Variants in DDX46 observed in about 807,000 individuals in gnomAD.
DDX46 encodes DEAD-box helicase 46, also known as probable ATP-dependent RNA helicase DDX46.
In DDX46, 30 loss-of-function variants were observed where a neutral mutation model predicts 134.9. The observed-to-expected ratio is 0.22, with a 90% CI of 0.17 to 0.30. The LOEUF (loss-of-function observed/expected upper bound fraction) is 0.30. Ranked by LOEUF, DDX46 falls within the 10% of genes least tolerant of loss-of-function variation. The pLI is 1.00. For synonymous variants in DDX46, 415 were observed against 404.1 expected, an observed-to-expected ratio of 1.03 and a Z score of -0.32; for missense variants, 622 against 1,248.7, an observed-to-expected ratio of 0.50 and a Z score of 7.56.
chr5:134,760,148 G>C (rs35469563), intron 1 of DDX46, among the ~76,000 whole-genome samples: 2 of 152,136 alleles, frequency 1.3e-5, no homozygotes, highest in East Asian at 3.8e-4. Context: ...TAAGATGATG[G>C]CATGCCCCTG....
At chr5:134,785,337 A>G (rs1479007233) in intron 10 of DDX46, 128 bp from the exon 11 acceptor site, 1 of 1,128,492 alleles carries the variant, frequency 8.9e-7, no homozygotes, top group Non-Finnish European at 1.2e-6. Flanking sequence ...AATAGTTTTC[A>G]GGGATGCATA....
At chr5:134,769,541 G>GT (rs1194092241) in intron 3 of DDX46, among the ~76,000 whole-genome samples, 4,709 of 113,254 alleles carry the variant, frequency 0.042, 159 homozygotes, top group African/African-American at 0.085. Flanking sequence ...TTTTTTGTTT[G>GT]TTTTTTTTTT....
intron 1 of DDX46, among the ~76,000 whole-genome samples, chr5:134,759,572 T>A (rs1561846852): frequency 6.6e-6 from 1 of 152,230 alleles, no homozygotes; most frequent in Non-Finnish European, 1.5e-5. Flanking sequence ...ACTCATTAGA[T>A]CTCATCACAA....
chr5:134,787,633 G>C (rs1038805604), intron 11 of DDX46, among the ~76,000 whole-genome samples: 3 of 152,122 alleles, frequency 2.0e-5, no homozygotes, highest in Non-Finnish European at 4.4e-5. Context: ...ATGCCTGCAC[G>C]TTGTATTTAT....
At chr5:134,821,713 T>C (rs1376245331) in intron 21 of DDX46, among the ~76,000 whole-genome samples, 4 of 151,204 alleles carry the variant, frequency 2.6e-5, no homozygotes, top group Non-Finnish European at 5.9e-5. Context: ...AGCACCACCA[T>C]GCCCAGCTAC....
At chr5:134,768,702 C>T (rs780162099) in intron 3 of DDX46, among the ~76,000 whole-genome samples, 4 of 151,748 alleles carry the variant, frequency 2.6e-5, no homozygotes, top group African/African-American at 7.3e-5. Context: ...TATGAGATGC[C>T]GTAAGTTGGG....
intron 1 of DDX46, among the ~76,000 whole-genome samples, chr5:134,762,723 G>C (rs1753429492): frequency 6.6e-6 from 1 of 150,490 alleles, no homozygotes; most frequent in Admixed American, 6.7e-5. Flanking sequence ...ACAAGAGTGC[G>C]ACTCTGTCTC....
chr5:134,780,560 A>C (rs1306250457), intron 6 of DDX46, among the ~76,000 whole-genome samples: 3 of 141,642 alleles, frequency 2.1e-5, no homozygotes, highest in African/African-American at 7.9e-5. Flanking sequence ...GCAAAACTTT[A>C]TCTCAATAAA....
At chr5:134,810,862 C>A (rs990973332) in intron 16 of DDX46, among the ~76,000 whole-genome samples, 7 of 151,686 alleles carry the variant, frequency 4.6e-5, no homozygotes, top group Non-Finnish European at 1.0e-4. Flanking sequence ...AAAAATTAGC[C>A]GGGCATAGTG....
Position 134,795,065 on chromosome 5 carries a change from T to C in DDX46, c.1791+51T>C, listed in dbSNP as rs750600402. The C allele has an allele frequency of 3.8e-6, 6 of 1,592,988 alleles. No individual in the cohort carries two copies. In the South Asian group the frequency reaches 5.6e-5, roughly 15 times the overall value. On this transcript the variant is annotated intron_variant, in intron 14 of 22. Transcript: ENST00000452510. ...CAGTTTCCTTGATACTTAGGTGGTA[T>C]GTATGATTCTTCTATGATCACTGTT...
chr5:134,805,071 G>T, intron 15 of DDX46: 1 of 319,994 alleles, frequency 3.1e-6, no homozygotes, highest in South Asian at 3.2e-5. Flanking sequence ...AGACAACCTA[G>T]TTTTGTTAAA....
In DDX46 at chr5:134,811,329, T is replaced by C; in HGVS notation, c.2257T>C (p.Trp753Arg). ...AGTACCTCCTGATTTAGAGAAACTG[T>C]GGAGTGATTTCAAAGATCAGCAGAA... The part of the protein sequence containing the change: ...TAVPPDLEKL[W>R]SDFKDQQKAE... Residue 753 changes from tryptophan to arginine, a missense_variant, in exon 17 of 23, where the codon TGG becomes CGG. By Grantham distance (101) the Trp-to-Arg change is moderately radical (BLOSUM62 -3). Transcript: ENST00000452510. 2 of 1,614,052 alleles carry C rather than the reference T, an allele frequency of 1.2e-6. No individual in the cohort carries two copies. The highest frequency in any genetic ancestry group is 1.7e-6 in the Non-Finnish European group (2 of 1,179,972).
At chr5:134,778,412 T>A (rs780059291) in intron 6 of DDX46, among the ~76,000 whole-genome samples, 12 of 152,138 alleles carry the variant, frequency 7.9e-5, no homozygotes, top group Non-Finnish European at 1.5e-4. Flanking sequence ...AATTTTTTTG[T>A]GTTTACAGTA....
At position 134,808,156 on chromosome 5, in the gene DDX46, C is replaced by A. The variant is rs560649998; in HGVS notation, c.2148+215C>A. ...ACCTAGCTGCTCTTTGTAGGCAGAT[C>A]CTGTTAACAGTTTGTCTTCCCTTTT... is the stretch of plus-strand genomic sequence containing the variant. On this transcript the variant is annotated intron_variant, in intron 16 of 22. Coordinates refer to ENST00000452510, the MANE Select transcript of DDX46 (RefSeq NM_001300860.2). Among the ~76,000 whole-genome samples the A allele has an allele frequency of 4.1e-4, 62 of 152,258 alleles. 1 individual carries two copies.
intron 22 of DDX46, among the ~76,000 whole-genome samples, chr5:134,827,890 C>A (rs1755633023): frequency 6.6e-6 from 1 of 152,116 alleles, no homozygotes; most frequent in African/African-American, 2.4e-5. Flanking sequence ...TGGGTATATA[C>A]CTCGGAGTAG....
intron 15 of DDX46, among the ~76,000 whole-genome samples, chr5:134,796,944 G>A (rs1372710610): frequency 2.6e-5 from 4 of 151,088 alleles, no homozygotes; most frequent in African/African-American, 9.7e-5. Context: ...CTGAGGTTGG[G>A]AGTTCGAGAC....
rs568275691 is a variant in DDX46, at chr5:134,777,733, A to G, written c.765+8A>G. ...GGTGGGGGAAATGAAAAGGTATGGA[A>G]TTTCTTATTTTTAAAGATTTCCGTT... On this transcript the variant is annotated splice_region_variant and intron_variant, in intron 6 of 22. Transcript: ENST00000452510. The G allele has an allele frequency of 6.3e-7, 1 of 1,591,480 alleles. No homozygotes were observed. Among genetic ancestry groups the G allele is most frequent in the Admixed American group, 1.9e-5 (1 of 52,418 alleles).
intron 1 of DDX46, among the ~76,000 whole-genome samples, chr5:134,761,383 A>G (rs1753380878): frequency 6.6e-6 from 1 of 152,116 alleles, no homozygotes; most frequent in African/African-American, 2.4e-5. Context: ...GATGATGACT[A>G]ATGTTTTGAG....
Position 134,764,548 on chromosome 5 carries a change from G to A in DDX46, c.206+456G>A, listed in dbSNP as rs150205750. The stretch of plus-strand genomic sequence containing the variant: ...TCCTCCCACCTTGGCCTCCCAAAGT[G>A]CTGGGATTACATGTGTGAGCCACCG... On this transcript the variant is annotated intron_variant, in intron 2 of 22. Coordinates refer to ENST00000452510, the MANE Select transcript of DDX46 (RefSeq NM_001300860.2). Among the ~76,000 whole-genome samples, 1,361 of 152,240 alleles carry A rather than the reference G, an allele frequency of 8.9e-3. 14 individuals carry two copies. Among genetic ancestry groups the A allele is most frequent in the African/African-American group, 0.03 (1,262 of 41,546 alleles).
Sources: gnomAD v4.1 joint callset for allele counts (sites outside exome capture counted in the v4.1 genomes callset) on GRCh38, gnomAD v4.1.1 for gene constraint, MANE v1.5 for transcripts, NCBI Gene and HGNC (gene_info 2026-07-23, HGNC 2026-07-21) for gene names.